The following EIPR1 variants were observed in gnomAD, a reference collection of about 807,000 sequenced individuals.
The protein encoded by EIPR1 is EARP and GARP complex-interacting protein 1.
A neutral mutation model predicts 48.1 loss-of-function variants in EIPR1; 25 were observed. That is an observed-to-expected ratio of 0.52 (90% CI 0.38 to 0.73). The LOEUF (loss-of-function observed/expected upper bound fraction) is 0.73, where lower values mean the gene tolerates loss of function less well. EIPR1 is among the 30% of genes least tolerant of loss of function. EIPR1 has a pLI of 0.00. For synonymous variants in EIPR1, 204 were observed against 201.9 expected, an observed-to-expected ratio of 1.01 and a Z score of -0.09; for missense variants, 415 against 506.2, an observed-to-expected ratio of 0.82 and a Z score of 1.73.
intron 3 of EIPR1, among the ~76,000 whole-genome samples, chr2:3,268,051 G>A (rs1667546549): frequency 6.6e-6 from 1 of 152,208 alleles, no homozygotes. Context: ...TCCACGCCAT[G>A]GTCCTGGAGT....
At chr2:3,211,147 A>T (rs2103129689) in intron 5 of EIPR1, among the ~76,000 whole-genome samples, 1 of 152,334 alleles carries the variant, frequency 6.6e-6, no homozygotes, top group East Asian at 1.9e-4. Flanking sequence ...AGTAAATAAA[A>T]TTTTAATAAA....
At chr2:3,348,991 C>A (rs1242009637) in intron 2 of EIPR1, among the ~76,000 whole-genome samples, 6 of 152,230 alleles carry the variant, frequency 3.9e-5, no homozygotes, top group African/African-American at 1.4e-4. Flanking sequence ...GGGGCCCAGG[C>A]TGTTCAGGAT....
chr2:3,300,898 T>C (rs1668745446), intron 3 of EIPR1: 1 of 152,144 alleles, frequency 6.6e-6, no homozygotes, highest in African/African-American at 2.4e-5. Flanking sequence ...CAGGCTTCTG[T>C]GTGTTCTTCA....
chr2:3,334,630 A>G (rs1669990874), intron 3 of EIPR1, among the ~76,000 whole-genome samples: 1 of 152,272 alleles, frequency 6.6e-6, no homozygotes, highest in Non-Finnish European at 1.5e-5. Flanking sequence ...GTTAAGCACG[A>G]GTCAAGCAGC....
rs1261300592 is a variant in EIPR1 at position 3,237,145 on chromosome 2, G to A, written c.416+20154C>T. Among the ~76,000 whole-genome samples, 4 of 150,234 alleles carry A rather than the reference G, an allele frequency of 2.7e-5. No individual in the cohort carries two copies. The East Asian group carries it at 8.1e-4, about 30-fold the overall frequency. On this transcript the variant is annotated intron_variant, in intron 4 of 8. Transcript: ENST00000382125. ...GGAGATGGGGAGGGCGAGGAGAACT[G>A]TCCAGAAAAAACCACAAATCATTAA...
chr2:3,215,334 C>T (rs1406549668), intron 4 of EIPR1, among the ~76,000 whole-genome samples: 7 of 152,154 alleles, frequency 4.6e-5, no homozygotes, highest in African/African-American at 9.7e-5. Flanking sequence ...AAGTACTGGA[C>T]GAGATGGGAG....
At chr2:3,192,646 C>A (rs1010944911) in intron 7 of EIPR1, 65 bp from the exon 8 acceptor site, 1 of 1,556,166 alleles carries the variant, frequency 6.4e-7, no homozygotes, top group Non-Finnish European at 8.7e-7. Context: ...CAATGGATCA[C>A]ACCGGCTCTG....
intron 2 of EIPR1, among the ~76,000 whole-genome samples, chr2:3,348,050 G>A (rs182806894): frequency 2.6e-5 from 4 of 152,326 alleles, no homozygotes; most frequent in African/African-American, 7.2e-5. Flanking sequence ...GAGCACAGGT[G>A]AGAACAGGAC....
At chr2:3,311,969 C>A (rs112134348) in intron 3 of EIPR1, among the ~76,000 whole-genome samples, 1,865 of 152,310 alleles carry the variant, frequency 0.012, 34 homozygotes, top group African/African-American at 0.042. Flanking sequence ...TTCTTTGGAA[C>A]AGCGCACAGA....
At chr2:3,310,681 G>C (rs1298448529) in intron 3 of EIPR1, among the ~76,000 whole-genome samples, 2 of 136,704 alleles carry the variant, frequency 1.5e-5, no homozygotes, top group African/African-American at 5.5e-5. Context: ...AAAAAGTCTT[G>C]ATAATTTAAA....
chr2:3,331,260 T>C lies in EIPR1; in HGVS notation c.259+6757A>G, dbSNP rs112254358. ...GCAGAGGCAGGTGTGTACACACTCA[T>C]GAGATGGTGTGAGCAGAGGCAGGTG... On this transcript the variant is annotated intron_variant, in intron 3 of 8. Transcript: ENST00000382125. Among the ~76,000 whole-genome samples, 2 of 92,952 alleles carry C rather than the reference T, an allele frequency of 2.2e-5. 1 individual carries two copies. The highest frequency in any genetic ancestry group is 1.1e-4 in the African/African-American group (2 of 18,868). The allele number at this position is 92,952 out of a possible 152,430, so 61.0% of individuals were successfully genotyped here. A position where few individuals can be genotyped will look rare whatever the true frequency, so the allele number is the denominator to read the frequency against.
rs117538194 is a variant in EIPR1 at position 3,311,910 on chromosome 2, G to A, written c.259+26107C>T. ...GGCACTGGGGTCCCTGTGCAGTGTC[G>A]GGGTTGTCCCCAGCCTCTGCTGAAT... On this transcript the variant is annotated intron_variant, in intron 3 of 8. Coordinates refer to ENST00000382125, the MANE Select transcript of EIPR1 (RefSeq NM_003310.5). Among the ~76,000 whole-genome samples the A allele has an allele frequency of 9.7e-3, 1,477 of 152,284 alleles. 25 individuals are homozygous for A. The highest frequency in any genetic ancestry group is 0.048 in the East Asian group (249 of 5,174).
intron 3 of EIPR1, among the ~76,000 whole-genome samples, chr2:3,330,821 T>G (rs1401493821): frequency 7.3e-6 from 1 of 136,648 alleles, no homozygotes; most frequent in Non-Finnish European, 1.5e-5. Context: ...GACAGGCACG[T>G]GTACACTCGA....
At chr2:3,223,337 G>T (rs11127389) in intron 4 of EIPR1, among the ~76,000 whole-genome samples, 137,887 of 152,008 alleles carry the variant, frequency 0.91, 63,167 homozygotes, top group East Asian at 0.98. Flanking sequence ...CGGCACCCGG[G>T]TTCCTGGCCA....
intron 3 of EIPR1, among the ~76,000 whole-genome samples, chr2:3,280,358 G>A (rs777492868): frequency 4.6e-5 from 7 of 152,154 alleles, no homozygotes; most frequent in Admixed American, 1.3e-4. Context: ...CTCCTCGCCC[G>A]GCCTCGTTCC....
intron 2 of EIPR1, among the ~76,000 whole-genome samples, chr2:3,341,585 G>A (rs982058858): frequency 1.3e-5 from 2 of 151,840 alleles, no homozygotes; most frequent in Non-Finnish European, 2.9e-5. Flanking sequence ...GTGCAGGTGT[G>A]TATGTAAGGG....
At chr2:3,213,056 A>G (rs1370589018) in intron 5 of EIPR1, among the ~76,000 whole-genome samples, 1 of 152,220 alleles carries the variant, frequency 6.6e-6, no homozygotes, top group Non-Finnish European at 1.5e-5. Context: ...GAAAGGACTT[A>G]TTAATATTCT....
At chr2:3,370,245 C>T (rs1287667457) in intron 1 of EIPR1, among the ~76,000 whole-genome samples, 1 of 152,142 alleles carries the variant, frequency 6.6e-6, no homozygotes, top group African/African-American at 2.4e-5. Flanking sequence ...TGTACATCAT[C>T]ATCATCAAAG....
At chr2:3,195,109 G>GCAGGGT (rs1417835255) in intron 6 of EIPR1, among the ~76,000 whole-genome samples, 5 of 152,226 alleles carry the variant, frequency 3.3e-5, no homozygotes, top group African/African-American at 9.6e-5. Context: ...GCTGCTCCTC[G>GCAGGGT]CAGGGTCTGA....
Sources: gnomAD v4.1 joint callset for allele counts (sites outside exome capture counted in the v4.1 genomes callset) on GRCh38, gnomAD v4.1.1 for gene constraint, MANE v1.5 for transcripts, NCBI Gene and HGNC (gene_info 2026-07-23, HGNC 2026-07-21) for gene names.